The following APBB2 variants were observed in gnomAD, a reference collection of about 807,000 sequenced individuals.
APBB2 encodes amyloid beta precursor protein binding family B member 2.
APBB2 carries 38 observed loss-of-function variants against 82.5 expected under a neutral mutation model. That is an observed-to-expected ratio of 0.46 (90% CI 0.36 to 0.60). The LOEUF (loss-of-function observed/expected upper bound fraction) is 0.60. APBB2 is among the 20% of genes least tolerant of loss of function. The probability of loss-of-function intolerance (pLI) is 0.00; values close to 1 mark genes in which losing one functional copy is unlikely to be tolerated. For missense variants in APBB2, 772 were observed against 972.3 expected (o/e 0.79, Z 2.74); for synonymous variants, 341 against 368.2 (o/e 0.93, Z 0.85).
At chr4:41,076,494 C>A (rs1003782535) in intron 3 of APBB2, among the ~76,000 whole-genome samples, 2 of 152,188 alleles carry the variant, frequency 1.3e-5, no homozygotes, top group Admixed American at 6.5e-5. Flanking sequence ...ACTCCACAGC[C>A]CCTTCCTCTG....
At chr4:40,927,044 A>G (rs1432095386) in intron 10 of APBB2, among the ~76,000 whole-genome samples, 1 of 152,228 alleles carries the variant, frequency 6.6e-6, no homozygotes, top group Non-Finnish European at 1.5e-5. Context: ...TTTCATCTCC[A>G]GATGCCACAG....
At chr4:41,119,291 G>C (rs1752073039) in intron 2 of APBB2, among the ~76,000 whole-genome samples, 1 of 152,036 alleles carries the variant, frequency 6.6e-6, no homozygotes, top group South Asian at 2.1e-4. Flanking sequence ...GGGGCCGACT[G>C]GGGGAGTGAG....
At chr4:40,836,903 TAAAC>T (rs930680593) in intron 12 of APBB2, among the ~76,000 whole-genome samples, 89 of 152,318 alleles carry the variant, frequency 5.8e-4, no homozygotes, top group African/African-American at 2.0e-3. Context: ...GAGAAGATAG[TAAAC>T]AAACTCTATA....
intron 10 of APBB2, among the ~76,000 whole-genome samples, chr4:40,917,385 C>T (rs1214755872): frequency 4.6e-5 from 7 of 152,072 alleles, no homozygotes; most frequent in East Asian, 1.9e-4. Context: ...GCAGCAGAGA[C>T]GGGTGAACAG....
At chr4:41,086,656 G>C (rs1457629249) in intron 3 of APBB2, among the ~76,000 whole-genome samples, 4 of 152,068 alleles carry the variant, frequency 2.6e-5, no homozygotes, top group Non-Finnish European at 5.9e-5. Context: ...GGAACAGAAG[G>C]AAACTATCTC....
At chr4:41,071,697 A>T (rs1267982403) in intron 3 of APBB2, among the ~76,000 whole-genome samples, 1 of 152,174 alleles carries the variant, frequency 6.6e-6, no homozygotes, top group Non-Finnish European at 1.5e-5. Flanking sequence ...AACAATTAAA[A>T]TTTTTTAAAA....
intron 5 of APBB2, among the ~76,000 whole-genome samples, chr4:41,015,752 TA>T (rs1245266740): frequency 1.3e-5 from 2 of 152,298 alleles, no homozygotes; most frequent in South Asian, 2.1e-4. Flanking sequence ...CCCCATTCTT[TA>T]AAGTTATTAT....
At chr4:40,887,184 A>G (rs992536396) in intron 12 of APBB2, among the ~76,000 whole-genome samples, 3 of 152,206 alleles carry the variant, frequency 2.0e-5, no homozygotes, top group Non-Finnish European at 2.9e-5. Flanking sequence ...TCCTCATGCA[A>G]AGTAAACTCA....
intron 7 of APBB2, among the ~76,000 whole-genome samples, chr4:40,937,920 C>A (rs1785782239): frequency 6.6e-6 from 1 of 152,182 alleles, no homozygotes; most frequent in Non-Finnish European, 1.5e-5. Flanking sequence ...AAAAGCACAA[C>A]CCAACAGAGA....
chr4:41,009,458 A>G (rs2154427013), intron 6 of APBB2, among the ~76,000 whole-genome samples: 2 of 152,342 alleles, frequency 1.3e-5, no homozygotes, highest in South Asian at 4.1e-4. Context: ...TACAAAAAGA[A>G]GTTACTAAAC....
At chr4:40,994,820 AAAAAG>A (rs1803182018) in intron 6 of APBB2, among the ~76,000 whole-genome samples, 4 of 151,600 alleles carry the variant, frequency 2.6e-5, no homozygotes, top group Non-Finnish European at 4.4e-5. Context: ...GGAAAAAAAA[AAAAAG>A]AAAAGAAAAG....
intron 10 of APBB2, among the ~76,000 whole-genome samples, chr4:40,898,668 TG>T (rs1459308419): frequency 2.0e-5 from 3 of 152,118 alleles, no homozygotes; most frequent in Admixed American, 6.5e-5. Flanking sequence ...GGAGATGTAC[TG>T]TAGACCACGA....
At chr4:40,964,327 A>C (rs965764116) in intron 6 of APBB2, among the ~76,000 whole-genome samples, 4 of 152,180 alleles carry the variant, frequency 2.6e-5, no homozygotes, top group African/African-American at 9.7e-5. Flanking sequence ...ATCCCTAAAA[A>C]AACAGTCCAT....
intron 1 of APBB2, among the ~76,000 whole-genome samples, chr4:41,170,107 T>C (rs1767846990): frequency 6.6e-6 from 1 of 152,242 alleles, no homozygotes; most frequent in African/African-American, 2.4e-5. Context: ...GATGGCACAG[T>C]CTCTGCTAAG....
At chr4:40,882,231 G>T (rs1768833724) in intron 12 of APBB2, among the ~76,000 whole-genome samples, 4 of 152,190 alleles carry the variant, frequency 2.6e-5, no homozygotes, top group Admixed American at 2.6e-4. Context: ...ACTGTTAAGA[G>T]GGGGGCTCTG....
At position 40,935,312 on chromosome 4, in the gene APBB2, T is replaced by C. The variant is rs146770738; in HGVS notation, c.1045-173A>G. 2,121 of 569,824 alleles carry C rather than the reference T, an allele frequency of 3.7e-3. 4 individuals carry two copies. The highest frequency in any genetic ancestry group is 5.4e-3 in the Admixed American group (155 of 28,944). 35.3% of individuals were successfully genotyped at this position (569,824 alleles called of 1,614,324 possible). On this transcript the variant is annotated intron_variant, in intron 7 of 17. Coordinates refer to ENST00000508593, the MANE Select transcript of APBB2 (RefSeq NM_004307.2). Reference sequence around the variant, plus strand: ...TTGGCTCACTCCCTCTATGTCTAGATTATCACCTGAAGACGAGGGCAGGAG... The same window carrying C: ...TTGGCTCACTCCCTCTATGTCTAGACTATCACCTGAAGACGAGGGCAGGAG...
intron 4 of APBB2, among the ~76,000 whole-genome samples, chr4:41,062,350 T>G (rs1286722311): frequency 6.7e-6 from 1 of 150,090 alleles, no homozygotes; most frequent in East Asian, 2.0e-4. Context: ...TTTTTGTATT[T>G]TTTTTTTTAG....
At chr4:40,903,172 A>T (rs1775787745) in intron 10 of APBB2, among the ~76,000 whole-genome samples, 1 of 152,098 alleles carries the variant, frequency 6.6e-6, no homozygotes, top group Non-Finnish European at 1.5e-5. Context: ...AATAAAATTT[A>T]AAAATGGGCC....
chr4:40,942,175 TGTA>T (rs1444399249), intron 7 of APBB2, among the ~76,000 whole-genome samples: 5 of 152,194 alleles, frequency 3.3e-5, no homozygotes, highest in African/African-American at 1.2e-4. Context: ...GAGGACCTTA[TGTA>T]GGGGGAGAAA....
Sources: allele counts gnomAD v4.1 joint callset (sites outside exome capture counted in the v4.1 genomes callset), GRCh38; gene constraint gnomAD v4.1.1; transcripts MANE v1.5; gene names NCBI Gene and HGNC (gene_info 2026-07-23, HGNC 2026-07-21).